The following LARGE1 variants were observed in gnomAD, a reference collection of about 807,000 sequenced individuals.
The protein encoded by LARGE1 is LARGE xylosyl- and glucuronyltransferase 1, also known as xylosyl- and glucuronyltransferase LARGE1.
LARGE1 carries 43 observed loss-of-function variants against 87.6 expected under a neutral mutation model. That is an observed-to-expected ratio of 0.49 (90% CI 0.38 to 0.63). The LOEUF (loss-of-function observed/expected upper bound fraction) is 0.63. LARGE1 is among the 30% of genes least tolerant of loss of function. LARGE1 has a pLI of 0.00. For synonymous variants in LARGE1, 434 were observed against 394.6 expected (o/e 1.10, Z -1.18); for missense variants, 802 against 1,000.2 (o/e 0.80, Z 2.67).
chr22:33,511,801 C>A (rs917957779), intron 6 of LARGE1, among the ~76,000 whole-genome samples: 4 of 152,194 alleles, frequency 2.6e-5, no homozygotes, highest in African/African-American at 9.7e-5. Flanking sequence ...AACGAAATGT[C>A]ATTTTTCTAC....
chr22:33,753,609 T>C (rs1297747008), intron 2 of LARGE1, among the ~76,000 whole-genome samples: 2 of 152,156 alleles, frequency 1.3e-5, no homozygotes, highest in African/African-American at 4.8e-5. Context: ...ACAAGTTGCA[T>C]GTTGGGACTC....
chr22:33,486,870 G>A (rs1330046178), intron 6 of LARGE1, among the ~76,000 whole-genome samples: 2 of 152,176 alleles, frequency 1.3e-5, no homozygotes, highest in African/African-American at 4.8e-5. Flanking sequence ...TCAGAAATCT[G>A]AGGCTGAAAC....
At chr22:33,867,323 G>A (rs1031015255) in intron 1 of LARGE1, among the ~76,000 whole-genome samples, 1 of 152,146 alleles carries the variant, frequency 6.6e-6, no homozygotes, top group African/African-American at 2.4e-5. Flanking sequence ...TTGCACACAT[G>A]CCCTCTGCCT....
chr22:33,873,464 TGGGG>T (rs1455284750), intron 1 of LARGE1: 1 of 152,372 alleles, frequency 6.6e-6, no homozygotes, highest in Non-Finnish European at 1.5e-5. Context: ...GTGTCGCTCC[TGGGG>T]CCTTCCGGGA....
intron 5 of LARGE1, among the ~76,000 whole-genome samples, chr22:33,600,325 C>T (rs568938117): frequency 2.6e-5 from 4 of 152,256 alleles, no homozygotes; most frequent in African/African-American, 4.8e-5. Flanking sequence ...AAAAGCCTCA[C>T]GTCAGGCCTT....
chr22:33,757,727 T>C (rs2084571127), intron 2 of LARGE1, among the ~76,000 whole-genome samples: 1 of 152,212 alleles, frequency 6.6e-6, no homozygotes, highest in Non-Finnish European at 1.5e-5. Flanking sequence ...GCAGCAACTC[T>C]GCCCCTTATT....
At chr22:33,808,019 C>T (rs375115497) in intron 1 of LARGE1, among the ~76,000 whole-genome samples, 1 of 152,244 alleles carries the variant, frequency 6.6e-6, no homozygotes, top group East Asian at 1.9e-4. Context: ...GGGTAAATAC[C>T]AAGTTGTGAG....
At chr22:33,134,422 C>T in the LARGE1 span, among the ~76,000 whole-genome samples, 1 of 152,040 alleles carries the variant, frequency 6.6e-6, no homozygotes, top group Non-Finnish European at 1.5e-5. Flanking sequence ...CCACGCCTGG[C>T]TAATTTTTGT....
At chr22:33,442,921 T>C (rs919845296) in intron 6 of LARGE1, among the ~76,000 whole-genome samples, 9 of 151,714 alleles carry the variant, frequency 5.9e-5, no homozygotes, top group Non-Finnish European at 1.2e-4. Flanking sequence ...GCCTCCCGAG[T>C]AGCTGGGACT....
intron 10 of LARGE1, among the ~76,000 whole-genome samples, chr22:33,323,331 G>A (rs1414424982): frequency 6.6e-6 from 1 of 152,200 alleles, no homozygotes; most frequent in Non-Finnish European, 1.5e-5. Context: ...CTATGTGACT[G>A]GCGCAATGCT....
At chr22:33,131,343 T>C in the LARGE1 span, among the ~76,000 whole-genome samples, 1 of 152,152 alleles carries the variant, frequency 6.6e-6, no homozygotes, top group Non-Finnish European at 1.5e-5. Flanking sequence ...TGTTTGACTG[T>C]TTTTCCTTTT....
At position 33,634,252 on chromosome 22, in the gene LARGE1, C is replaced by A. The variant is rs146166443; in HGVS notation, c.409-7926G>T. On this transcript the variant is annotated intron_variant, in intron 3 of 14. Transcript: ENST00000397394. ...CTCCAACTCCAGTATGCATCAGAAT[C>A]ACCTGGAGGGGCTTGTTACAACAGA... 5.0e-4 allele frequency among the ~76,000 whole-genome samples: 76 copies of A among 152,256 alleles called. No homozygotes were observed. In the East Asian group the frequency reaches 9.9e-3, roughly 20 times the overall value.
At chr22:33,233,291 GATGATGATGATA>G (rs1650624260) in intron 11 of LARGE1, among the ~76,000 whole-genome samples, 1 of 152,102 alleles carries the variant, frequency 6.6e-6, no homozygotes, top group Non-Finnish European at 1.5e-5. Flanking sequence ...TGATGATGAT[GATGATGATGATA>G]ATGATGATGA....
intron 14 of LARGE1, among the ~76,000 whole-genome samples, chr22:33,275,222 T>C (rs1389192634): frequency 6.6e-6 from 1 of 152,120 alleles, no homozygotes; most frequent in Non-Finnish European, 1.5e-5. Flanking sequence ...CACCCAGTAT[T>C]CTCAACTTGG....
intron 1 of LARGE1, among the ~76,000 whole-genome samples, chr22:33,899,713 G>T (rs2065235653): frequency 6.6e-6 from 1 of 152,164 alleles, no homozygotes; most frequent in Admixed American, 6.5e-5. Flanking sequence ...AGCAAATGAA[G>T]GAATGAATCT....
chr22:33,340,785 G>A (rs1939054541), intron 9 of LARGE1, among the ~76,000 whole-genome samples: 1 of 151,830 alleles, frequency 6.6e-6, no homozygotes, highest in Non-Finnish European at 1.5e-5. Context: ...AATCGTAAAG[G>A]GGAAGAAACA....
At chr22:33,473,932 C>T (rs1238978679) in intron 6 of LARGE1, among the ~76,000 whole-genome samples, 1 of 152,158 alleles carries the variant, frequency 6.6e-6, no homozygotes, top group Non-Finnish European at 1.5e-5. Flanking sequence ...ACCTTCTCAC[C>T]ATCCCACAGT....
chr22:33,467,033 ACT>A (rs1241169282), intron 6 of LARGE1, among the ~76,000 whole-genome samples: 2 of 151,716 alleles, frequency 1.3e-5, no homozygotes, highest in Admixed American at 6.6e-5. Flanking sequence ...CAAGAGCAAA[ACT>A]CTCTGAAAAA....
rs543443421 is a variant in LARGE1 at position 33,518,386 on chromosome 22, T to A, written c.787+46462A>T. On this transcript the variant is annotated intron_variant, in intron 6 of 14. Transcript: ENST00000397394. The stretch of plus-strand genomic sequence containing the variant: ...TAGGCTGGAGTGCAGTGACACCATC[T>A]CAGCTCACTGCAACCTCCGCCTCCC... Among the ~76,000 whole-genome samples, 103 of 152,330 alleles carry A rather than the reference T, an allele frequency of 6.8e-4. No individual in the cohort carries two copies. In the South Asian group the frequency reaches 0.02, roughly 29 times the overall value.
Sources: gnomAD v4.1 joint callset for allele counts (sites outside exome capture counted in the v4.1 genomes callset) on GRCh38, gnomAD v4.1.1 for gene constraint, MANE v1.5 for transcripts, NCBI Gene and HGNC (gene_info 2026-07-23, HGNC 2026-07-21) for gene names.